ZCWPW1: variants seen among roughly 807,000 people sequenced by gnomAD.
ZCWPW1 encodes zinc finger CW-type PWWP domain protein 1.
Under a neutral mutation model 81.3 loss-of-function variants are expected in ZCWPW1, and 56 were observed. The observed-to-expected ratio is 0.69, with a 90% CI of 0.56 to 0.86. The LOEUF is 0.86. Ranked by LOEUF, ZCWPW1 falls within the 40% of genes least tolerant of loss-of-function variation. ZCWPW1 has a pLI of 0.00. For synonymous variants in ZCWPW1, 250 were observed against 273.7 expected, an observed-to-expected ratio of 0.91 and a Z score of 0.86; for missense variants, 650 against 769.8, an observed-to-expected ratio of 0.84 and a Z score of 1.84.
chr7:100,420,703 C>G, intron 2 of ZCWPW1, 25 bp from the exon 3 acceptor site: 1 of 1,602,406 alleles, frequency 6.2e-7, no homozygotes, highest in Non-Finnish European at 8.5e-7. Flanking sequence ...AAATTAACTG[C>G]TATGACTCTG....
intron 8 of ZCWPW1, among the ~76,000 whole-genome samples, chr7:100,415,233 C>T (rs2130714095): frequency 6.6e-6 from 1 of 151,760 alleles, no homozygotes; most frequent in African/African-American, 2.4e-5. Context: ...CAGGCGCATG[C>T]CACCATACCC....
At chr7:100,411,576 C>T (rs996700110) in intron 8 of ZCWPW1, among the ~76,000 whole-genome samples, 24 of 151,398 alleles carry the variant, frequency 1.6e-4, no homozygotes, top group Admixed American at 7.3e-4. Context: ...GCCTCAATTA[C>T]CTTATCTTGA....
At chr7:100,415,246 C>A (rs1242625807) in intron 8 of ZCWPW1, among the ~76,000 whole-genome samples, 1 of 151,714 alleles carries the variant, frequency 6.6e-6, no homozygotes, top group African/African-American at 2.4e-5. Context: ...CCATACCCAG[C>A]TAATTTTTGT....
chr7:100,427,768 G>A (rs1797956521), intron 1 of ZCWPW1, among the ~76,000 whole-genome samples: 1 of 150,342 alleles, frequency 6.7e-6, no homozygotes, highest in Non-Finnish European at 1.5e-5. Context: ...TTGCAGAGAA[G>A]TTCTTCCCAT....
chr7:100,413,569 G>A (rs1422243817), intron 8 of ZCWPW1, among the ~76,000 whole-genome samples: 3 of 151,986 alleles, frequency 2.0e-5, no homozygotes, highest in African/African-American at 4.8e-5. Context: ...CCTACTTCAG[G>A]AGCACTCACC....
chr7:100,415,445 G>A (rs976676638), intron 8 of ZCWPW1, among the ~76,000 whole-genome samples: 2 of 152,024 alleles, frequency 1.3e-5, no homozygotes, highest in Non-Finnish European at 2.9e-5. Context: ...TTGAAAAAGT[G>A]TCTACTCTTC....
chr7:100,404,386 G>T, intron 13 of ZCWPW1, 142 bp from the exon 14 acceptor site: 1 of 791,824 alleles, frequency 1.3e-6, no homozygotes, highest in African/African-American at 1.7e-5. Flanking sequence ...TTTGAGACAG[G>T]GTCTTGCTCT....
At chr7:100,420,847 T>G (rs573181423) in intron 2 of ZCWPW1, among the ~76,000 whole-genome samples, 169 bp from the exon 3 acceptor site, 1 of 152,196 alleles carries the variant, frequency 6.6e-6, no homozygotes, top group South Asian at 2.1e-4. Context: ...AGTTACTGTT[T>G]TAAAGATTGG....
At position 100,417,211 on chromosome 7, in the gene ZCWPW1, G is replaced by A. The variant is rs113181754; in HGVS notation, c.362-28C>T. The A allele has an allele frequency of 6.6e-4, 1,029 of 1,563,382 alleles. 13 individuals carry two copies. The African/African-American group carries it at 0.012, about 18-fold the overall frequency. ...CCCAAAACAAAATACTATAAGCAGA[G>A]AAGCAAAAAAACGAAAAAGCCACTC... On this transcript the variant is annotated intron_variant, in intron 5 of 17. Coordinates refer to ENST00000684423, the MANE Select transcript of ZCWPW1 (RefSeq NM_001386010.1).
rs762214750 is a variant in ZCWPW1 at position 100,406,711 on chromosome 7, G to C, written c.1156C>G (p.Leu386Val). Residue 386 changes from leucine (L) to valine (V), a missense_variant, in exon 12 of 18, where the codon CTG becomes GTG. Leu to Val is a conservative substitution (Grantham distance 32). Transcript: ENST00000684423. ...GTGCTCACCATGACTGATAGCTCCA[G>C]GGACAGCTCCTGGAAGTTCTTTAGC... ...NMLKNFQELS[L>V]ELSVMKKRRN... 1 of 1,614,124 alleles carries C rather than the reference G, an allele frequency of 6.2e-7. No individual in the cohort carries two copies. The highest frequency in any genetic ancestry group is 8.5e-7 in the Non-Finnish European group (1 of 1,179,988).
intron 11 of ZCWPW1, 104 bp downstream of exon 11, chr7:100,407,124 G>T: frequency 9.5e-7 from 1 of 1,050,600 alleles, no homozygotes; most frequent in South Asian, 1.4e-5. Flanking sequence ...GTTTTCACTT[G>T]TGTCTGCTGG....
At chr7:100,426,893 C>T (rs1288891118) in intron 1 of ZCWPW1, among the ~76,000 whole-genome samples, 20 of 52,882 alleles carry the variant, frequency 3.8e-4, no homozygotes, top group Admixed American at 6.9e-4. Flanking sequence ...CCCTGCTTCC[C>T]CTCCTTCTTC....
chr7:100,402,079 G>A (rs755166130), intron 16 of ZCWPW1, 38 bp from the exon 17 acceptor site: 8 of 1,574,290 alleles, frequency 5.1e-6, no homozygotes, highest in South Asian at 3.5e-5. Flanking sequence ...CTCTCTAAAC[G>A]ACAACTCGGC....
chr7:100,427,274 T>C (rs1180118898), intron 1 of ZCWPW1, among the ~76,000 whole-genome samples: 1 of 123,728 alleles, frequency 8.1e-6, no homozygotes, highest in African/African-American at 3.2e-5. Context: ...CTTTCTTCCT[T>C]CGTGTTTGTG....
chr7:100,409,228 C>T (rs1182050650), intron 9 of ZCWPW1, among the ~76,000 whole-genome samples, 200 bp downstream of exon 9: 1 of 152,136 alleles, frequency 6.6e-6, no homozygotes, highest in East Asian at 1.9e-4. Flanking sequence ...CCAACAAGAT[C>T]ACTTTACAGG....
At chr7:100,421,230 G>A (rs1449969289) in intron 2 of ZCWPW1, among the ~76,000 whole-genome samples, 5 of 152,178 alleles carry the variant, frequency 3.3e-5, no homozygotes, top group Non-Finnish European at 4.4e-5. Context: ...CTAGAACCAT[G>A]TCCAACCTAA....
chr7:100,417,431 T>G, intron 5 of ZCWPW1: 1 of 417,692 alleles, frequency 2.4e-6, no homozygotes, highest in Non-Finnish European at 4.3e-6. Context: ...CATAAAAAAA[T>G]TATAGGCCAG....
intron 5 of ZCWPW1, chr7:100,417,463 A>G: frequency 3.2e-6 from 1 of 308,410 alleles, no homozygotes; most frequent in Non-Finnish European, 6.0e-6. Context: ...CACGCCTGTA[A>G]TCCTAACACT....
At chr7:100,421,975 A>G (rs1302980555) in intron 2 of ZCWPW1, among the ~76,000 whole-genome samples, 1 of 152,184 alleles carries the variant, frequency 6.6e-6, no homozygotes, top group Non-Finnish European at 1.5e-5. Context: ...TACAGACGTG[A>G]GCCACTACAC....
Sources: gnomAD v4.1 joint callset for allele counts (sites outside exome capture counted in the v4.1 genomes callset) on GRCh38, gnomAD v4.1.1 for gene constraint, MANE v1.5 for transcripts, NCBI Gene and HGNC (gene_info 2026-07-23, HGNC 2026-07-21) for gene names.